RAI2: variants seen among roughly 807,000 people sequenced by gnomAD.
The protein encoded by RAI2 is retinoic acid induced 2.
A neutral mutation model predicts 15.3 loss-of-function variants in RAI2; 5 were observed. That is an observed-to-expected ratio of 0.33 (90% CI 0.17 to 0.69). The LOEUF is 0.69. RAI2 is among the 30% of genes least tolerant of loss of function. The pLI is 0.69. For synonymous variants in RAI2, 191 were observed against 184.0 expected (o/e 1.04, Z -0.31); for missense variants, 424 against 424.7 (o/e 1.00, Z 0.01).
At chrX:17,838,401 G>A (rs6633031) in intron 1 of RAI2, among the ~76,000 whole-genome samples, 1,157 of 111,462 alleles carry the variant, frequency 0.01, 14 homozygotes, top group African/African-American at 0.035. Flanking sequence ...AAATAAAATA[G>A]GACAGCTCTA....
In RAI2 at chrX:17,840,523, A is replaced by C. The variant is rs1042143987; in HGVS notation, c.-25+20575T>G. Among the ~76,000 whole-genome samples the C allele has an allele frequency of 8.9e-5, 10 of 111,745 alleles. 1 individual carries two copies. The highest frequency in any genetic ancestry group is 1.9e-4 in the Non-Finnish European group (10 of 53,145). Reference sequence around the variant, plus strand: ...AAACTATCGGCTGCTTAAAAAAAAAACCCAAGGAGCATGACTTAGTTAAGG... The same window carrying C: ...AAACTATCGGCTGCTTAAAAAAAAACCCCAAGGAGCATGACTTAGTTAAGG... On this transcript the variant is annotated intron_variant, in intron 1 of 1. Transcript: ENST00000451717.
At chrX:17,802,141 GAGCATAACCCATCTCT>G in intron 1 of RAI2, 107 bp from the exon 2 acceptor site, 1 of 945,159 alleles carries the variant, frequency 1.1e-6, no homozygotes, top group Non-Finnish European at 1.4e-6. Flanking sequence ...GTTAACCAGG[GAGCATAACCCATCTCT>G]CTATGTATAT....
chrX:17,815,262 C>T (rs186609625), intron 1 of RAI2, among the ~76,000 whole-genome samples: 101 of 110,778 alleles, frequency 9.1e-4, no homozygotes, highest in Non-Finnish European at 1.7e-3. Context: ...GTATTATTTC[C>T]TATTTTATTG....
intron 1 of RAI2, among the ~76,000 whole-genome samples, chrX:17,848,254 A>G (rs1162703420): frequency 9.2e-6 from 1 of 108,767 alleles, no homozygotes; most frequent in Non-Finnish European, 1.9e-5. Context: ...GCCACAAAAA[A>G]AGACACATGA....
intron 1 of RAI2, among the ~76,000 whole-genome samples, chrX:17,829,897 G>A (rs958441425): frequency 5.3e-5 from 6 of 112,360 alleles, no homozygotes; most frequent in Non-Finnish European, 1.1e-4. Flanking sequence ...GGTAAGCCAG[G>A]ACTGCTGGTT....
At chrX:17,843,255 G>C (rs2067419455) in intron 1 of RAI2, among the ~76,000 whole-genome samples, 1 of 111,764 alleles carries the variant, frequency 8.9e-6, no homozygotes. Flanking sequence ...CTCGTGAGCT[G>C]TGTTGCGACA....
In RAI2 at chrX:17,800,592, G is replaced by A. The variant is rs1351856699; in HGVS notation, c.1419C>T (p.Ser473=). The A allele has an allele frequency of 7.4e-6, 9 of 1,211,135 alleles. No homozygotes were observed. The highest frequency in any genetic ancestry group is 3.5e-5 in the South Asian group (2 of 56,962). The change falls in exon 2 of 2, where the codon TCC becomes TCT. Residue 473 remains serine (S), a synonymous_variant. Transcript: ENST00000451717. ...TKNFSFKRED[S]VLQGYDINSQ... is the part of the protein sequence containing the mutation. ...TGTTGATGTCATAGCCCTGAAGCAC[G>A]GAGTCTTCTCTTTTGAAGGAGAAGT...
chrX:17,808,847 C>T (rs913768610), intron 1 of RAI2, among the ~76,000 whole-genome samples: 3 of 112,531 alleles, frequency 2.7e-5, no homozygotes, highest in African/African-American at 9.7e-5. Context: ...TCACCAGCCA[C>T]TCTCTATGAG....
chrX:17,842,655 G>GAAAA (rs780365815), intron 1 of RAI2, among the ~76,000 whole-genome samples: 1 of 66,394 alleles, frequency 1.5e-5, no homozygotes, highest in Non-Finnish European at 3.0e-5. Flanking sequence ...ATATGTATAG[G>GAAAA]AAAAAAAAAA....
At chrX:17,848,167 CT>C (rs1035695086) in intron 1 of RAI2, among the ~76,000 whole-genome samples, 1 of 110,228 alleles carries the variant, frequency 9.1e-6, no homozygotes, top group African/African-American at 3.3e-5. Context: ...GAGGGCTGGA[CT>C]GTCATAGACT....
At chrX:17,813,145 A>G (rs1309095321) in intron 1 of RAI2, among the ~76,000 whole-genome samples, 1 of 111,627 alleles carries the variant, frequency 9.0e-6, no homozygotes, top group African/African-American at 3.3e-5. Flanking sequence ...ATGCCTCTAA[A>G]ATCATCAAGC....
intron 1 of RAI2, among the ~76,000 whole-genome samples, chrX:17,815,533 C>T (rs947666112): frequency 1.8e-5 from 2 of 111,308 alleles, no homozygotes; most frequent in Admixed American, 1.9e-4. Context: ...GACCTTGCCA[C>T]ATGAGTAGGA....
At chrX:17,805,957 C>G (rs1003181261) in intron 1 of RAI2, among the ~76,000 whole-genome samples, 1 of 111,957 alleles carries the variant, frequency 8.9e-6, no homozygotes, top group African/African-American at 3.3e-5. Flanking sequence ...CTCACTACAT[C>G]TCCTCCTCTT....
intron 1 of RAI2, among the ~76,000 whole-genome samples, chrX:17,804,944 G>A (rs767178794): frequency 8.9e-6 from 1 of 112,834 alleles, no homozygotes; most frequent in African/African-American, 3.2e-5. Context: ...CAGGGCAGGC[G>A]GCCTCCCTCA....
At chrX:17,842,583 C>A (rs1420370489) in intron 1 of RAI2, among the ~76,000 whole-genome samples, 1 of 98,881 alleles carries the variant, frequency 1.0e-5, no homozygotes, top group African/African-American at 3.8e-5. Flanking sequence ...TTGAGAAAAT[C>A]AATTTAAGCA....
chrX:17,836,511 C>A (rs900675911), intron 1 of RAI2, among the ~76,000 whole-genome samples: 11 of 111,992 alleles, frequency 9.8e-5, no homozygotes, highest in African/African-American at 3.6e-4. Flanking sequence ...GTATTCGAAG[C>A]ACAATTTCTA....
At chrX:17,824,874 C>T (rs1041474508) in intron 1 of RAI2, among the ~76,000 whole-genome samples, 1 of 112,250 alleles carries the variant, frequency 8.9e-6, no homozygotes, top group Non-Finnish European at 1.9e-5. Context: ...GAAGAACAGC[C>T]TGCATCTACC....
At chrX:17,848,694 AG>A (rs199587035) in intron 1 of RAI2, among the ~76,000 whole-genome samples, 1,479 of 111,735 alleles carry the variant, frequency 0.013, 20 homozygotes, top group African/African-American at 0.045. Flanking sequence ...ATTAGGGTGA[AG>A]AAATAAGTGT....
intron 1 of RAI2, among the ~76,000 whole-genome samples, chrX:17,854,107 G>C (rs1426922441): frequency 8.9e-6 from 1 of 111,989 alleles, no homozygotes; most frequent in African/African-American, 3.2e-5. Context: ...TTTTTCCAGA[G>C]CACAAAAAGC....
Sources: gnomAD v4.1 joint callset for allele counts (sites outside exome capture counted in the v4.1 genomes callset) on GRCh38, gnomAD v4.1.1 for gene constraint, MANE v1.5 for transcripts, NCBI Gene and HGNC (gene_info 2026-07-23, HGNC 2026-07-21) for gene names.